Variants in CADM1 observed in about 807,000 individuals in gnomAD.
CADM1 encodes cell adhesion molecule 1.
A neutral mutation model predicts 53.1 loss-of-function variants in CADM1; 15 were observed. The ratio of observed to expected loss-of-function variants is 0.28; its 90% confidence interval spans 0.19 to 0.44. CADM1 has a LOEUF of 0.44. Among genes scored for constraint, CADM1 ranks in the 20% least tolerant of loss-of-function variants. The probability of loss-of-function intolerance (pLI) is 1.00; values close to 1 mark genes in which losing one functional copy is unlikely to be tolerated. For missense variants in CADM1, 434 were observed against 611.3 expected (o/e 0.71, Z 3.06); for synonymous variants, 281 against 243.0 (o/e 1.16, Z -1.45).
chr11:115,206,697 A>AG (rs1222953172), intron 8 of CADM1, among the ~76,000 whole-genome samples: 6 of 135,314 alleles, frequency 4.4e-5, no homozygotes, highest in Non-Finnish European at 1.5e-5. Context: ...ACCCTGACCT[A>AG]GGGAATGGGT....
At chr11:115,430,691 A>C (rs568127141) in intron 1 of CADM1, among the ~76,000 whole-genome samples, 2 of 152,296 alleles carry the variant, frequency 1.3e-5, no homozygotes, top group East Asian at 3.9e-4. Flanking sequence ...TTTTCAATGG[A>C]AAGCAGAGAT....
At chr11:115,225,335 T>G (rs981797866) in intron 5 of CADM1, among the ~76,000 whole-genome samples, 1 of 151,998 alleles carries the variant, frequency 6.6e-6, no homozygotes, top group Non-Finnish European at 1.5e-5. Context: ...TTTAATTCAC[T>G]GATTCTGAAG....
intron 11 of CADM1, among the ~76,000 whole-genome samples, 161 bp downstream of exon 11, chr11:115,178,483 G>GTTTTTTT (rs375004893): frequency 1.6e-4 from 22 of 133,792 alleles, no homozygotes; most frequent in South Asian, 2.5e-4. Context: ...TTCTGGTTTT[G>GTTTTTTT]TTTTTTTTTT....
chr11:115,172,463 C>T lies in CADM1; in HGVS notation c.*4011G>A, dbSNP rs1938823110. On this transcript the variant is annotated 3_prime_UTR_variant, in exon 12 of 12. Transcript: ENST00000331581. ...TCACATTCCTTCTCCACGAAACCATCCTTTAAGATCCAGCTGGGGTCCCAG... is the reference window on the plus strand; with the variant it reads ...TCACATTCCTTCTCCACGAAACCATTCTTTAAGATCCAGCTGGGGTCCCAG... 6.6e-6 allele frequency: 1 copy of T among 152,282 alleles called. No homozygotes were observed. Among genetic ancestry groups the T allele is most frequent in the South Asian group, 2.1e-4 (1 of 4,838 alleles). The allele number at this position is 152,282 out of a possible 1,614,324, so 9.4% of individuals were successfully genotyped here. A position where few individuals can be genotyped will look rare whatever the true frequency, so the allele number is the denominator to read the frequency against.
At chr11:115,498,673 T>G (rs186872184) in intron 1 of CADM1, among the ~76,000 whole-genome samples, 246 of 152,386 alleles carry the variant, frequency 1.6e-3, no homozygotes, top group African/African-American at 5.7e-3. Flanking sequence ...CTGTAGCTTC[T>G]CTGGCCTCTG....
At chr11:115,371,665 G>A (rs1454791524) in intron 1 of CADM1, among the ~76,000 whole-genome samples, 1 of 139,908 alleles carries the variant, frequency 7.1e-6, no homozygotes, top group East Asian at 2.0e-4. Context: ...TTGAGACAGA[G>A]TCTTGCTCTG....
At position 115,237,121 on chromosome 11, in the gene CADM1, G is replaced by C. The variant is rs376953316; in HGVS notation, c.424+1379C>G. On this transcript the variant is annotated intron_variant, in intron 3 of 11. Coordinates refer to ENST00000331581, the MANE Select transcript of CADM1 (RefSeq NM_001301043.2). ...CTAATGACTTACTCCAATAAGCAAA[G>C]AGCATTTTCAAATACTCTGATACAA... 8.5e-5 allele frequency among the ~76,000 whole-genome samples: 13 copies of C among 152,234 alleles called. No individual in the cohort carries two copies. In the East Asian group the frequency reaches 2.1e-3, roughly 25 times the overall value.
chr11:115,195,491 C>T (rs2134664256), intron 9 of CADM1, among the ~76,000 whole-genome samples: 1 of 152,230 alleles, frequency 6.6e-6, no homozygotes, highest in South Asian at 2.1e-4. Context: ...AAATAAGATG[C>T]CCATAGCTGA....
intron 2 of CADM1, among the ~76,000 whole-genome samples, chr11:115,239,027 T>A (rs1352657161): frequency 6.6e-6 from 1 of 151,984 alleles, no homozygotes; most frequent in Non-Finnish European, 1.5e-5. Context: ...AAAAAGCAGG[T>A]CATGAGTCCC....
At chr11:115,416,784 T>C (rs969526189) in intron 1 of CADM1, among the ~76,000 whole-genome samples, 4 of 151,460 alleles carry the variant, frequency 2.6e-5, no homozygotes, top group Non-Finnish European at 5.9e-5. Flanking sequence ...CAACAAGACA[T>C]GACCAGCTAG....
chr11:115,444,948 G>A (rs1372354499), intron 1 of CADM1, among the ~76,000 whole-genome samples: 1 of 152,280 alleles, frequency 6.6e-6, no homozygotes, highest in East Asian at 1.9e-4. Flanking sequence ...ACGTGGAGGG[G>A]TGAGGAGAGG....
chr11:115,272,923 C>A lies in CADM1; in HGVS notation c.125-32503G>T, dbSNP rs577753830. On this transcript the variant is annotated intron_variant, in intron 1 of 11. Coordinates refer to ENST00000331581, the MANE Select transcript of CADM1 (RefSeq NM_001301043.2). Reference sequence around the variant, plus strand: ...ATAAAAAAATTTAAAAAAAAAGCAACGACGTGAAGTTTTTACCATGGAAAG... The same window carrying A: ...ATAAAAAAATTTAAAAAAAAAGCAAAGACGTGAAGTTTTTACCATGGAAAG... 4.6e-5 allele frequency among the ~76,000 whole-genome samples: 7 copies of A among 152,092 alleles called. No homozygotes were observed. In the South Asian group the frequency reaches 1.5e-3, roughly 32 times the overall value.
chr11:115,260,908 T>C (rs2135016050), intron 1 of CADM1, among the ~76,000 whole-genome samples: 1 of 152,060 alleles, frequency 6.6e-6, no homozygotes, highest in African/African-American at 2.4e-5. Flanking sequence ...TCTTCTGACC[T>C]CATGATCCGC....
chr11:115,283,481 CA>C (rs1283604620), intron 1 of CADM1, among the ~76,000 whole-genome samples: 2 of 152,108 alleles, frequency 1.3e-5, no homozygotes, highest in African/African-American at 2.4e-5. Flanking sequence ...TGTGTAAAGC[CA>C]CAGAGGTGGA....
chr11:115,381,039 G>A (rs929954763), intron 1 of CADM1, among the ~76,000 whole-genome samples: 2 of 152,046 alleles, frequency 1.3e-5, no homozygotes, highest in Admixed American at 1.3e-4. Flanking sequence ...GGTGGCTCAT[G>A]CCTGAATCCC....
chr11:115,174,945 C>A lies in CADM1; in HGVS notation c.*1529G>T. ...TGTAAATGGTAACGTGACTCCTCTA[C>A]CTTTTCCCGAGGCTCCCCATCTAAG... On this transcript the variant is annotated 3_prime_UTR_variant, in exon 12 of 12. Transcript: ENST00000331581. 1.0e-6 allele frequency: 1 copy of A among 985,758 alleles called. No individual in the cohort carries two copies. The highest frequency in any genetic ancestry group is 4.7e-5 in the South Asian group (1 of 21,280). 61.1% of individuals were successfully genotyped at this position (985,758 alleles called of 1,614,324 possible). A position where few individuals can be genotyped will look rare whatever the true frequency, so the allele number is the denominator to read the frequency against.
rs549219082 is a variant in CADM1 at position 115,197,847 on chromosome 11, G to T, written c.1111+559C>A. On this transcript the variant is annotated intron_variant, in intron 9 of 11. Transcript: ENST00000331581. ...GATTAGGAGTGAACCAGTGAGGGGT[G>T]GTGGGGTACATATGATTAGCAACAT... 2.0e-5 allele frequency among the ~76,000 whole-genome samples: 3 copies of T among 152,236 alleles called. No homozygotes were observed. In the East Asian group the frequency reaches 5.8e-4, roughly 29 times the overall value.
chr11:115,208,005 G>A (rs551064364), intron 8 of CADM1, among the ~76,000 whole-genome samples: 1 of 152,334 alleles, frequency 6.6e-6, no homozygotes, highest in Admixed American at 6.5e-5. Context: ...GGAAATCAGA[G>A]TTAGGAAGAA....
intron 1 of CADM1, among the ~76,000 whole-genome samples, chr11:115,334,480 C>CAGTA (rs2135226822): frequency 6.6e-6 from 1 of 151,902 alleles, no homozygotes; most frequent in African/African-American, 2.4e-5. Flanking sequence ...TTGATGAGTA[C>CAGTA]CCCATCAGGT....
Sources: gnomAD v4.1 joint callset for allele counts (sites outside exome capture counted in the v4.1 genomes callset) on GRCh38, gnomAD v4.1.1 for gene constraint, MANE v1.5 for transcripts, NCBI Gene and HGNC (gene_info 2026-07-23, HGNC 2026-07-21) for gene names.